POU2F1: variants seen among roughly 807,000 people sequenced by gnomAD.
POU2F1 encodes POU domain, class 2, transcription factor 1.
In POU2F1, 16 loss-of-function variants were observed where a neutral mutation model predicts 84.9. That is an observed-to-expected ratio of 0.19 (90% CI 0.13 to 0.29). POU2F1 has a LOEUF of 0.29. Among genes scored for constraint, POU2F1 ranks in the 10% least tolerant of loss-of-function variants. The probability of loss-of-function intolerance (pLI) is 1.00; values close to 1 mark genes in which losing one functional copy is unlikely to be tolerated. For missense variants in POU2F1, 738 were observed against 942.6 expected (o/e 0.78, Z 2.84); for synonymous variants, 368 against 368.3 (o/e 1.00, Z 0.01).
Position 167,365,503 on chromosome 1 carries a change from C to T in POU2F1, c.164C>T (p.Pro55Leu). 1 of 1,602,918 alleles carries T rather than the reference C, an allele frequency of 6.2e-7. No homozygotes were observed. The highest frequency in any genetic ancestry group is 8.5e-7 in the Non-Finnish European group (1 of 1,175,244). Reference sequence around the variant, plus strand: ...AATGGTCTGGACTTTCAGAAGCAGCCTGTGCCTGTAGGAGGAGCAATCTCA... The same window carrying T: ...AATGGTCTGGACTTTCAGAAGCAGCTTGTGCCTGTAGGAGGAGCAATCTCA... The part of the protein sequence containing the change: ...QTNGLDFQKQ[P>L]VPVGGAISTA... Residue 55 changes from proline to leucine, a missense_variant, in exon 3 of 16, where the codon CCT becomes CTT. Physicochemically the swap from Pro to Leu is moderately conservative, Grantham distance 98. Around this residue, in one of 4 missense-constraint regions of POU2F1, gnomAD observed 161 missense variants for 147.0 expected, o/e 1.10. Transcript: ENST00000367866.
At position 167,239,192 on chromosome 1, in the gene POU2F1, G is replaced by A. The variant is rs189566996; in HGVS notation, c.61+18234G>A. 2.4e-4 allele frequency among the ~76,000 whole-genome samples: 37 copies of A among 152,194 alleles called. No homozygotes were observed. In the East Asian group the frequency reaches 6.6e-3, roughly 27 times the overall value. ...ACCTAGTGTTCTTTTTCTGACATAC[G>A]TAGTGTTCTTTTTGTGACATACCAT... is the stretch of plus-strand genomic sequence containing the variant. On this transcript the variant is annotated intron_variant, in intron 1 of 15. Transcript: ENST00000367866.
In POU2F1 at chr1:167,415,542, C is replaced by T. The variant is rs763142692; in HGVS notation, c.2033C>T (p.Ala678Val). 5 of 1,614,130 alleles carry T rather than the reference C, an allele frequency of 3.1e-6. No homozygotes were observed. The highest frequency in any genetic ancestry group is 1.7e-5 in the Admixed American group (1 of 60,016). ...TCTCTTCCAATAACATCACTTGATG[C>T]AACTGGGAACCTGGTATTTGCCAAT... ...GGSLPITSLD[A>V]TGNLVFANAG... Residue 678 changes from alanine to valine, a missense_variant, in exon 16 of 16, where the codon GCA (alanine) becomes GTA (valine). By Grantham distance (64) the Ala-to-Val change is moderately conservative (BLOSUM62 0). Coordinates refer to ENST00000367866, the MANE Select transcript of POU2F1 (RefSeq NM_002697.4).
At chr1:167,297,382 G>T (rs1384332944) in intron 1 of POU2F1, among the ~76,000 whole-genome samples, 1 of 152,178 alleles carries the variant, frequency 6.6e-6, no homozygotes, top group Non-Finnish European at 1.5e-5. Flanking sequence ...ATAGGGCAGG[G>T]CTGTGTTTGG....
chr1:167,280,842 G>A (rs187749930), intron 1 of POU2F1, among the ~76,000 whole-genome samples: 2 of 152,128 alleles, frequency 1.3e-5, no homozygotes, highest in Admixed American at 1.3e-4. Flanking sequence ...CATGCCAAAG[G>A]CGTTTATTAA....
intron 1 of POU2F1, among the ~76,000 whole-genome samples, chr1:167,255,634 C>T (rs1651073097): frequency 6.6e-6 from 1 of 152,032 alleles, no homozygotes. Context: ...AATGGGTTGA[C>T]ATAGCCACAA....
chr1:167,297,273 A>G (rs1654347911), intron 1 of POU2F1, among the ~76,000 whole-genome samples: 1 of 152,198 alleles, frequency 6.6e-6, no homozygotes, highest in African/African-American at 2.4e-5. Flanking sequence ...CGTATTTGTT[A>G]TTGGTAGTTT....
intron 1 of POU2F1, among the ~76,000 whole-genome samples, chr1:167,253,446 T>A (rs1650891060): frequency 6.7e-6 from 1 of 150,080 alleles, no homozygotes; most frequent in African/African-American, 2.5e-5. Context: ...TTTTTGGGTT[T>A]TTTTGGTCTT....
At chr1:167,286,781 C>G (rs1332958459) in intron 1 of POU2F1, among the ~76,000 whole-genome samples, 1 of 152,126 alleles carries the variant, frequency 6.6e-6, no homozygotes, top group Non-Finnish European at 1.5e-5. Flanking sequence ...AAATTATTGT[C>G]TTAAAGCTTA....
chr1:167,267,936 C>T (rs186562141), intron 1 of POU2F1, among the ~76,000 whole-genome samples: 1 of 151,968 alleles, frequency 6.6e-6, no homozygotes, highest in Non-Finnish European at 1.5e-5. Flanking sequence ...CCACCGTGCC[C>T]GGCCTACTGT....
At chr1:167,238,591 A>G (rs1356551020) in intron 1 of POU2F1, among the ~76,000 whole-genome samples, 1 of 152,190 alleles carries the variant, frequency 6.6e-6, no homozygotes, top group African/African-American at 2.4e-5. Flanking sequence ...CACCTTCATT[A>G]AGGCAGTTAA....
chr1:167,245,112 C>G (rs1650213063), intron 1 of POU2F1, among the ~76,000 whole-genome samples: 1 of 151,884 alleles, frequency 6.6e-6, no homozygotes, highest in Non-Finnish European at 1.5e-5. Context: ...TTCAGTGAAA[C>G]TTTTTTTTAA....
rs16858755 is a variant in POU2F1 at position 167,226,887 on chromosome 1, T to C, written c.61+5929T>C. 5.8e-3 allele frequency among the ~76,000 whole-genome samples: 883 copies of C among 152,322 alleles called. 32 individuals are homozygous for C. In the East Asian group the frequency reaches 0.084, roughly 14 times the overall value. On this transcript the variant is annotated intron_variant, in intron 1 of 15. Transcript: ENST00000367866. Reference sequence around the variant, plus strand: ...CTACATTTGCTGACAGGACTAGTAATTGAGCAAAAGAAGAATCAGCAAACC... The same window carrying C: ...CTACATTTGCTGACAGGACTAGTAACTGAGCAAAAGAAGAATCAGCAAACC...
chr1:167,267,776 G>A (rs1652082509), intron 1 of POU2F1, among the ~76,000 whole-genome samples: 1 of 151,190 alleles, frequency 6.6e-6, no homozygotes, highest in Non-Finnish European at 1.5e-5. Flanking sequence ...CTAGTAGCTG[G>A]GACTACAGGT....
rs910236291 is a variant in POU2F1, at chr1:167,286,069, C to A, written c.62-46401C>A. Among the ~76,000 whole-genome samples the A allele has an allele frequency of 5.3e-5, 8 of 152,096 alleles. No homozygotes were observed. In the South Asian group the frequency reaches 1.7e-3, roughly 32 times the overall value. On this transcript the variant is annotated intron_variant, in intron 1 of 15. Coordinates refer to ENST00000367866, the MANE Select transcript of POU2F1 (RefSeq NM_002697.4). ...AAGATTATGGCCAAATAATAGAGAT[C>A]CTGGATATATTGCAACAATTGGATT...
At chr1:167,280,725 A>AT (rs931775091) in intron 1 of POU2F1, among the ~76,000 whole-genome samples, 3 of 152,150 alleles carry the variant, frequency 2.0e-5, no homozygotes, top group Admixed American at 2.0e-4. Flanking sequence ...GAATAGTCTC[A>AT]TTTTTTAAAA....
In POU2F1 at chr1:167,426,897, C is replaced by G. The variant is rs1231977647; in HGVS notation, c.*11087C>G. 6.6e-6 allele frequency: 1 copy of G among 152,150 alleles called. No individual in the cohort carries two copies. The highest frequency in any genetic ancestry group is 1.5e-5 in the Non-Finnish European group (1 of 68,026). 9.4% of individuals were successfully genotyped at this position (152,150 alleles called of 1,614,324 possible). A position where few individuals can be genotyped will look rare whatever the true frequency, so the allele number is the denominator to read the frequency against. On this transcript the variant is annotated 3_prime_UTR_variant, in exon 16 of 16. Transcript: ENST00000367866. ...TCTGGGTGGCTATTGTGTAGCCTTA[C>G]TGCCCCAGAGTGCCTGTTAGCCAAA...
At chr1:167,406,925 G>A (rs1219143748) in intron 13 of POU2F1, among the ~76,000 whole-genome samples, 4 of 151,966 alleles carry the variant, frequency 2.6e-5, no homozygotes, top group Non-Finnish European at 5.9e-5. Flanking sequence ...TTCTTAAGAT[G>A]ACAGTTTTTC....
At chr1:167,260,141 G>A (rs889218438) in intron 1 of POU2F1, among the ~76,000 whole-genome samples, 2 of 152,204 alleles carry the variant, frequency 1.3e-5, no homozygotes, top group African/African-American at 4.8e-5. Flanking sequence ...GCTTCCCAAA[G>A]TGCTGGGGTT....
intron 2 of POU2F1, among the ~76,000 whole-genome samples, chr1:167,343,588 A>G (rs889416067): frequency 3.5e-5 from 5 of 144,556 alleles, no homozygotes; most frequent in Non-Finnish European, 7.5e-5. Flanking sequence ...GATCCATTAT[A>G]TAACATCCTG....
Sources: allele counts gnomAD v4.1 joint callset (sites outside exome capture counted in the v4.1 genomes callset), GRCh38; gene constraint gnomAD v4.1.1; regional missense constraint gnomAD v4.1.1; transcripts MANE v1.5; gene names NCBI Gene and HGNC (gene_info 2026-07-23, HGNC 2026-07-21).